Variants in GALNS observed in about 807,000 individuals in gnomAD.
GALNS encodes the protein N-acetylgalactosamine-6-sulfatase.
In GALNS, 65 loss-of-function variants were observed where a neutral mutation model predicts 65.9. That is an observed-to-expected ratio of 0.99 (90% CI 0.81 to 1.21). GALNS has a LOEUF of 1.21. Among genes scored for constraint, GALNS ranks in the 50% most tolerant of loss-of-function variants. The pLI is 0.00. For missense variants in GALNS, 776 were observed against 700.7 expected, an observed-to-expected ratio of 1.11 and a Z score of -1.21; for synonymous variants, 346 against 288.9, an observed-to-expected ratio of 1.20 and a Z score of -2.00.
chr16:88,855,567 G>T, intron 1 of GALNS: 1 of 691,524 alleles, frequency 1.4e-6, no homozygotes, highest in Non-Finnish European at 2.6e-6. Context: ...AGCTGCCCAG[G>T]ACTGTCGGCT....
At chr16:88,854,370 C>T (rs1054079985) in intron 1 of GALNS, among the ~76,000 whole-genome samples, 8 of 152,224 alleles carry the variant, frequency 5.3e-5, no homozygotes, top group South Asian at 2.1e-4. Context: ...CCCTGGGCCA[C>T]GTCAGGGCAC....
In GALNS at chr16:88,814,282, C is replaced by G. The variant is rs1909402706; in HGVS notation, c.*157G>C. 2 of 1,012,884 alleles carry G rather than the reference C, an allele frequency of 2.0e-6. No homozygotes were observed. Among genetic ancestry groups the G allele is most frequent in the Non-Finnish European group, 3.0e-6 (2 of 665,830 alleles). 62.7% of individuals were successfully genotyped at this position (1,012,884 alleles called of 1,614,324 possible). On this transcript the variant is annotated 3_prime_UTR_variant, in exon 14 of 14. Coordinates refer to ENST00000268695, the MANE Select transcript of GALNS (RefSeq NM_000512.5). Reference sequence around the variant, plus strand: ...GGCCAAGCACACGCCAGGGTCAGGTCCTGGGCAGGTGGAATTGTGCAGTCC... The same window carrying G: ...GGCCAAGCACACGCCAGGGTCAGGTGCTGGGCAGGTGGAATTGTGCAGTCC...
rs113493094 is a variant in GALNS at position 88,848,290 on chromosome 16, G to T, written c.121-5461C>A. Among the ~76,000 whole-genome samples, 551 of 152,268 alleles carry T rather than the reference G, an allele frequency of 3.6e-3. 2 individuals are homozygous for T. Among genetic ancestry groups the T allele is most frequent in the African/African-American group, 0.012 (516 of 41,542 alleles). On this transcript the variant is annotated intron_variant, in intron 1 of 13. Coordinates refer to ENST00000268695, the MANE Select transcript of GALNS (RefSeq NM_000512.5). ...ACGACTCTGAGAACACACTAAAAAT[G>T]ACCCGCACACTTTCACCAGCGAATT...
intron 1 of GALNS, chr16:88,855,666 G>A (rs1272750929): frequency 5.0e-6 from 3 of 598,934 alleles, no homozygotes; most frequent in Admixed American, 3.0e-5. Context: ...TAATAAAATT[G>A]TTAAGTGAGA....
Position 88,841,970 on chromosome 16 carries a change from C to A in GALNS, c.246G>T (p.Ser82=), listed in dbSNP as rs370437841. 9.9e-6 allele frequency: 16 copies of A among 1,611,802 alleles called. No homozygotes were observed. The highest frequency in any genetic ancestry group is 1.4e-5 in the Non-Finnish European group (16 of 1,179,016). The change falls in exon 3 of 14, where the codon TCG becomes TCT. Residue 82 remains serine (S), a splice_region_variant and synonymous_variant. Coordinates refer to ENST00000268695, the MANE Select transcript of GALNS (RefSeq NM_000512.5). ...GCCGTCCTGTGAGCAGTGCCGCCCT[C>A]GCTATGTGGAGGTGACAGAAACAGA... is the stretch of plus-strand genomic sequence containing the variant. ...FYSANPLCSP[S]RAALLTGRLP... is the part of the protein sequence containing the mutation.
At chr16:88,818,177 G>C (rs993947466) in intron 12 of GALNS, 53 bp from the exon 13 acceptor site, 2 of 1,434,616 alleles carry the variant, frequency 1.4e-6, no homozygotes, top group African/African-American at 2.8e-5. Context: ...GAAGGACGGA[G>C]AGGGGCTGGC....
At chr16:88,849,140 G>C (rs1597594306) in intron 1 of GALNS, among the ~76,000 whole-genome samples, 1 of 152,052 alleles carries the variant, frequency 6.6e-6, no homozygotes, top group Non-Finnish European at 1.5e-5. Flanking sequence ...TTTGAGACAG[G>C]GTCTCACTCT....
At chr16:88,848,825 C>T (rs528793400) in intron 1 of GALNS, among the ~76,000 whole-genome samples, 21 of 152,278 alleles carry the variant, frequency 1.4e-4, no homozygotes, top group South Asian at 6.2e-4. Flanking sequence ...CCGGGGACCG[C>T]GGGAGGACAG....
chr16:88,850,071 G>GTCT (rs1345234042), intron 1 of GALNS, among the ~76,000 whole-genome samples: 1 of 152,216 alleles, frequency 6.6e-6, no homozygotes, highest in Admixed American at 6.5e-5. Flanking sequence ...CTCCCCGAGT[G>GTCT]CAGATTCATC....
rs773637198 is a variant in GALNS, at chr16:88,814,414, G to A, written c.*25C>T. 7.7e-6 allele frequency: 12 copies of A among 1,552,148 alleles called. No homozygotes were observed. The East Asian group carries it at 2.4e-4, about 31-fold the overall frequency. ...CTTGCAGGGCCAACCGGAGATTCTA[G>A]GCCTGGCCTGAGTCTGCGCAGGTGC... On this transcript the variant is annotated 3_prime_UTR_variant, in exon 14 of 14. Transcript: ENST00000268695.
chr16:88,817,907 C>G lies in GALNS; in HGVS notation c.1482+100G>C. The G allele has an allele frequency of 7.8e-6, 8 of 1,019,350 alleles. No homozygotes were observed. In the South Asian group the frequency reaches 8.2e-5, roughly 10 times the overall value. The allele number at this position is 1,019,350 out of a possible 1,614,324, so 63.1% of individuals were successfully genotyped here. On this transcript the variant is annotated intron_variant, in intron 13 of 13. Transcript: ENST00000268695. ...CACCACTGACGGAGGCGGGGAAGCA[C>G]GCCTGCCTCTGCCCTGTGCTGGCCA... is the stretch of plus-strand genomic sequence containing the variant.
chr16:88,817,900 G>A, intron 13 of GALNS, 107 bp downstream of exon 13: 1 of 968,882 alleles, frequency 1.0e-6, no homozygotes, highest in Non-Finnish European at 1.6e-6. Context: ...ACGGAGGCGG[G>A]GAAGCACGCC....
intron 2 of GALNS, chr16:88,842,472 C>G (rs1967021175): frequency 1.7e-6 from 1 of 595,596 alleles, no homozygotes; most frequent in South Asian, 2.0e-5. Flanking sequence ...AGAACAGCAG[C>G]CACCAACAAT....
intron 11 of GALNS, 79 bp from the exon 12 acceptor site, chr16:88,822,789 A>T: frequency 6.4e-7 from 1 of 1,568,432 alleles, no homozygotes; most frequent in South Asian, 1.1e-5. Context: ...CGTGTCCTGG[A>T]GCCCCTGACT....
chr16:88,853,286 C>T (rs577458224), intron 1 of GALNS, among the ~76,000 whole-genome samples: 5 of 150,478 alleles, frequency 3.3e-5, no homozygotes, highest in African/African-American at 9.8e-5. Flanking sequence ...GGCCTAAAAG[C>T]CCCCAAATGA....
intron 1 of GALNS, 146 bp downstream of exon 1, chr16:88,856,612 C>G: frequency 3.5e-6 from 2 of 568,112 alleles, no homozygotes; most frequent in Non-Finnish European, 3.3e-6. Flanking sequence ...CTCCTCCCCG[C>G]GCGGGGCCTC....
intron 12 of GALNS, among the ~76,000 whole-genome samples, chr16:88,820,649 G>T (rs1351273461): frequency 6.6e-6 from 1 of 152,246 alleles, no homozygotes; most frequent in Non-Finnish European, 1.5e-5. Context: ...CAGCTGTGAG[G>T]GCGGGGCTGG....
chr16:88,854,715 C>A (rs1315106397), intron 1 of GALNS, among the ~76,000 whole-genome samples: 1 of 152,206 alleles, frequency 6.6e-6, no homozygotes. Context: ...GAGGATGTGG[C>A]CAGTTCAGAG....
chr16:88,824,230 C>T (rs527549046), intron 11 of GALNS, among the ~76,000 whole-genome samples: 5 of 151,980 alleles, frequency 3.3e-5, no homozygotes, highest in Non-Finnish European at 5.9e-5. Flanking sequence ...CAGAAAAGAC[C>T]GTGGGGAGGG....
Sources: gnomAD v4.1 joint callset for allele counts (sites outside exome capture counted in the v4.1 genomes callset) on GRCh38, gnomAD v4.1.1 for gene constraint, MANE v1.5 for transcripts, NCBI Gene and HGNC (gene_info 2026-07-23, HGNC 2026-07-21) for gene names.